The following PPARG variants were observed in gnomAD, a reference collection of about 807,000 sequenced individuals.
PPARG encodes peroxisome proliferator-activated receptor gamma.
In PPARG, 17 loss-of-function variants were observed where a neutral mutation model predicts 39.2. That is an observed-to-expected ratio of 0.43 (90% CI 0.30 to 0.65). The LOEUF is 0.65. Among genes scored for constraint, PPARG ranks in the 30% least tolerant of loss-of-function variants. The probability of loss-of-function intolerance (pLI) is 0.13; values close to 1 mark genes in which losing one functional copy is unlikely to be tolerated. For missense variants in PPARG, 406 were observed against 585.9 expected, an observed-to-expected ratio of 0.69 and a Z score of 3.17; for synonymous variants, 223 against 215.7, an observed-to-expected ratio of 1.03 and a Z score of -0.30.
At chr3:12,309,474 C>T (rs7617488) in intron 1 of PPARG, among the ~76,000 whole-genome samples, 13,602 of 152,034 alleles carry the variant, frequency 0.089, 2,017 homozygotes, top group African/African-American at 0.31. Flanking sequence ...TATTTAAAAT[C>T]AATATTGATA....
intron 4 of PPARG, among the ~76,000 whole-genome samples, chr3:12,382,319 C>T (rs182789271): frequency 2.6e-5 from 4 of 152,078 alleles, no homozygotes; most frequent in Non-Finnish European, 4.4e-5. Flanking sequence ...TAATTTATTG[C>T]TTAATTATTA....
intron 6 of PPARG, among the ~76,000 whole-genome samples, chr3:12,415,084 G>A (rs2051012835): frequency 6.6e-6 from 1 of 152,122 alleles, no homozygotes; most frequent in Admixed American, 6.5e-5. Flanking sequence ...GGCTGCCACG[G>A]CCACTCATGC....
At chr3:12,327,995 C>T in intron 2 of PPARG, 1 of 845,836 alleles carries the variant, frequency 1.2e-6, no homozygotes, top group East Asian at 2.4e-5. Flanking sequence ...GTTCTTAGAA[C>T]CTACTGTATA....
At chr3:12,332,524 A>G (rs1249140770) in intron 2 of PPARG, among the ~76,000 whole-genome samples, 2 of 152,210 alleles carry the variant, frequency 1.3e-5, no homozygotes, top group Non-Finnish European at 2.9e-5. Context: ...AGGGTTTTTA[A>G]TAGTTAATCA....
intron 6 of PPARG, among the ~76,000 whole-genome samples, chr3:12,411,966 A>G (rs368644013): frequency 6.6e-6 from 1 of 152,288 alleles, no homozygotes; most frequent in African/African-American, 2.4e-5. Flanking sequence ...ACATCAGGAA[A>G]GCCACACTCG....
At chr3:12,352,867 T>G (rs1339280893) in intron 2 of PPARG, among the ~76,000 whole-genome samples, 1 of 152,252 alleles carries the variant, frequency 6.6e-6, no homozygotes, top group Admixed American at 6.5e-5. Flanking sequence ...ATTGTTGTTA[T>G]TCTGTTTTTC....
intron 2 of PPARG, among the ~76,000 whole-genome samples, chr3:12,376,921 CTG>C (rs796217370): frequency 4.7e-4 from 72 of 152,290 alleles, no homozygotes; most frequent in African/African-American, 1.6e-3. Context: ...CAGCTCATCT[CTG>C]TCTCCCGTGT....
At chr3:12,299,527 G>A (rs977568460) in intron 1 of PPARG, among the ~76,000 whole-genome samples, 1 of 151,992 alleles carries the variant, frequency 6.6e-6, no homozygotes, top group Non-Finnish European at 1.5e-5. Flanking sequence ...TATAATTTCT[G>A]TCTCAGTAAT....
At chr3:12,336,611 A>T (rs1024109632) in intron 2 of PPARG, among the ~76,000 whole-genome samples, 6 of 152,168 alleles carry the variant, frequency 3.9e-5, no homozygotes, top group Non-Finnish European at 8.8e-5. Context: ...TTTGCTGTGG[A>T]TAGATTCTCC....
intron 5 of PPARG, among the ~76,000 whole-genome samples, chr3:12,404,730 G>T (rs946543415): frequency 6.6e-6 from 1 of 152,226 alleles, no homozygotes; most frequent in Admixed American, 6.5e-5. Context: ...CTTGAACCCA[G>T]GAGGTGGAGG....
chr3:12,416,962 T>G lies in PPARG; in HGVS notation c.988T>G (p.Ser330Ala), dbSNP rs1438276181. The G allele has an allele frequency of 6.2e-7, 1 of 1,614,122 alleles. No individual in the cohort carries two copies. Among genetic ancestry groups the G allele is most frequent in the Non-Finnish European group, 8.5e-7 (1 of 1,179,998 alleles). ...CGAGATCATTTACACAATGCTGGCC[T>G]CCTTGATGAATAAAGATGGGGTTCT... ...VHEIIYTMLA[S>A]LMNKDGVLIS... The change falls in exon 7 of 8, where the codon TCC becomes GCC. Residue 330 changes from serine (S) to alanine (A), a missense_variant. By Grantham distance (99) the Ser-to-Ala change is moderately conservative. This residue lies in a region of PPARG where 275 missense variants were observed against 458.0 expected (regional missense o/e 0.60). Transcript: ENST00000651735.
intron 4 of PPARG, among the ~76,000 whole-genome samples, chr3:12,384,344 C>T (rs1481691241): frequency 6.6e-5 from 10 of 152,098 alleles, no homozygotes; most frequent in African/African-American, 2.2e-4. Flanking sequence ...AACCCTGCTT[C>T]GGCTGGGGTT....
intron 7 of PPARG, among the ~76,000 whole-genome samples, chr3:12,419,830 A>C (rs1212351172): frequency 6.6e-6 from 1 of 152,132 alleles, no homozygotes; most frequent in Non-Finnish European, 1.5e-5. Context: ...ATTAATATTT[A>C]ATTTATTTCA....
At chr3:12,362,517 TC>T (rs1201110852) in intron 2 of PPARG, among the ~76,000 whole-genome samples, 1 of 144,378 alleles carries the variant, frequency 6.9e-6, no homozygotes. Context: ...AGACTTCGTC[TC>T]AAAAATAAAT....
At chr3:12,423,235 T>G (rs540024131) in intron 7 of PPARG, among the ~76,000 whole-genome samples, 1 of 152,300 alleles carries the variant, frequency 6.6e-6, no homozygotes, top group African/African-American at 2.4e-5. Flanking sequence ...GCAGAAACAT[T>G]TATGAGAGGA....
At chr3:12,337,558 T>A (rs563892530) in intron 2 of PPARG, among the ~76,000 whole-genome samples, 1 of 152,152 alleles carries the variant, frequency 6.6e-6, no homozygotes, top group Non-Finnish European at 1.5e-5. Flanking sequence ...TCTAATCTAC[T>A]CTCCTTTCCC....
intron 2 of PPARG, chr3:12,351,615 C>T: frequency 6.2e-7 from 1 of 1,609,992 alleles, no homozygotes; most frequent in Non-Finnish European, 8.5e-7. Context: ...CTGGGAGATT[C>T]TCCTATTGAC....
At chr3:12,392,262 A>C (rs1312052148) in intron 4 of PPARG, among the ~76,000 whole-genome samples, 1 of 152,222 alleles carries the variant, frequency 6.6e-6, no homozygotes, top group Admixed American at 6.5e-5. Context: ...AATGATTTGC[A>C]GAGAGACTTA....
intron 2 of PPARG, among the ~76,000 whole-genome samples, chr3:12,361,026 G>T (rs2048830795): frequency 6.6e-6 from 1 of 152,172 alleles, no homozygotes; most frequent in African/African-American, 2.4e-5. Flanking sequence ...TCTACTAGAA[G>T]TGCATGAGTG....
Sources: allele counts gnomAD v4.1 joint callset (sites outside exome capture counted in the v4.1 genomes callset), GRCh38; gene constraint gnomAD v4.1.1; regional missense constraint gnomAD v4.1.1; transcripts MANE v1.5; gene names NCBI Gene and HGNC (gene_info 2026-07-23, HGNC 2026-07-21).